The following MYT1L variants were observed in gnomAD, a reference collection of about 807,000 sequenced individuals.
MYT1L encodes myelin transcription factor 1 like, also known as myelin transcription factor 1-like protein.
In MYT1L, 12 loss-of-function variants were observed where a neutral mutation model predicts 126.7. That is an observed-to-expected ratio of 0.09 (90% confidence interval 0.06 to 0.15). The LOEUF is 0.15. Ranked by LOEUF, MYT1L falls within the 10% of genes least tolerant of loss-of-function variation. The pLI, the probability that MYT1L is intolerant of heterozygous loss-of-function variation, is 1.00. For missense variants in MYT1L, 979 were observed against 1,585.2 expected (o/e 0.62, Z 6.49); for synonymous variants, 541 against 604.2 (o/e 0.90, Z 1.53).
intron 14 of MYT1L, among the ~76,000 whole-genome samples, chr2:1,896,256 AG>A (rs2049550740): frequency 6.6e-6 from 1 of 152,244 alleles, no homozygotes; most frequent in South Asian, 2.1e-4. Context: ...AAATTAGTTC[AG>A]CTACTGGACA....
At chr2:2,223,382 A>G (rs2093929231) in intron 2 of MYT1L, among the ~76,000 whole-genome samples, 1 of 152,238 alleles carries the variant, frequency 6.6e-6, no homozygotes, top group South Asian at 2.1e-4. Context: ...AGAGTATTTG[A>G]AAAAGTAACT....
chr2:2,266,424 C>G (rs2095131245), intron 2 of MYT1L, among the ~76,000 whole-genome samples: 1 of 152,084 alleles, frequency 6.6e-6, no homozygotes, highest in South Asian at 2.1e-4. Flanking sequence ...TGCCTAAGTC[C>G]CAAAAGGGCT....
At chr2:2,165,570 A>G (rs1441568889) in intron 3 of MYT1L, among the ~76,000 whole-genome samples, 1 of 152,218 alleles carries the variant, frequency 6.6e-6, no homozygotes, top group African/African-American at 2.4e-5. Context: ...CATTTCCCCA[A>G]CTGTCCATAT....
intron 2 of MYT1L, among the ~76,000 whole-genome samples, chr2:2,254,034 G>A (rs1445709505): frequency 3.3e-5 from 5 of 152,226 alleles, no homozygotes; most frequent in Admixed American, 2.0e-4. Context: ...AACTAAAACC[G>A]AAGGCTCCCT....
At chr2:1,924,368 T>C (rs1041234411) in intron 9 of MYT1L, among the ~76,000 whole-genome samples, 1 of 152,234 alleles carries the variant, frequency 6.6e-6, no homozygotes, top group Non-Finnish European at 1.5e-5. Flanking sequence ...TTAGATTAGA[T>C]TTGGTTAACT....
Position 2,072,094 on chromosome 2 carries a change from G to A in MYT1L, c.-303-17971C>T, listed in dbSNP as rs187753078. Among the ~76,000 whole-genome samples, 237 of 152,260 alleles carry A rather than the reference G, an allele frequency of 1.6e-3. 1 individual carries two copies. The highest frequency in any genetic ancestry group is 5.3e-3 in the African/African-American group (221 of 41,550). ...ACTCCGTGTCAAGCTTCCCTTGAAAGAGGAGCCCAATGATTCAAATGACCC... is the reference window on the plus strand; with the variant it reads ...ACTCCGTGTCAAGCTTCCCTTGAAAAAGGAGCCCAATGATTCAAATGACCC... On this transcript the variant is annotated intron_variant, in intron 3 of 24. Coordinates refer to ENST00000647738, the MANE Select transcript of MYT1L (RefSeq NM_001303052.2).
intron 4 of MYT1L, among the ~76,000 whole-genome samples, chr2:2,006,695 C>A (rs891913493): frequency 2.0e-5 from 3 of 152,080 alleles, no homozygotes; most frequent in African/African-American, 7.2e-5. Flanking sequence ...CCCACCTCAG[C>A]CTCCAGAGTA....
At chr2:2,100,216 T>C (rs1486505139) in intron 3 of MYT1L, among the ~76,000 whole-genome samples, 1 of 152,102 alleles carries the variant, frequency 6.6e-6, no homozygotes, top group Non-Finnish European at 1.5e-5. Flanking sequence ...TGAGTATGGT[T>C]TGGTTGAGAA....
In MYT1L at chr2:2,293,465, C is replaced by A. The variant is rs139061895; in HGVS notation, c.-520-8962G>T. 2.8e-3 allele frequency among the ~76,000 whole-genome samples: 425 copies of A among 152,292 alleles called. 2 individuals are homozygous for A. Among genetic ancestry groups the A allele is most frequent in the African/African-American group, 4.9e-3 (202 of 41,554 alleles). ...TTGGTTAGAGGCAGATCTGCAGGAGCAGGGCGTGGAGGGTGATGGTGAGCA... is the reference window on the plus strand; with the variant it reads ...TTGGTTAGAGGCAGATCTGCAGGAGAAGGGCGTGGAGGGTGATGGTGAGCA... On this transcript the variant is annotated intron_variant, in intron 1 of 24. Coordinates refer to ENST00000647738, the MANE Select transcript of MYT1L (RefSeq NM_001303052.2).
intron 21 of MYT1L, among the ~76,000 whole-genome samples, chr2:1,837,674 C>A (rs1166351675): frequency 2.6e-5 from 4 of 152,026 alleles, no homozygotes; most frequent in Non-Finnish European, 5.9e-5. Flanking sequence ...CTCTGTGACA[C>A]CCTGGGCTTC....
intron 3 of MYT1L, among the ~76,000 whole-genome samples, chr2:2,165,777 G>A (rs1236511529): frequency 6.6e-6 from 1 of 151,580 alleles, no homozygotes; most frequent in Non-Finnish European, 1.5e-5. Context: ...CTTTATTATT[G>A]AAGAAGTAAA....
rs1272047871 is a variant in MYT1L at position 1,922,551 on chromosome 2, A to G, written c.1218T>C (p.His406=). 6.2e-7 allele frequency: 1 copy of G among 1,613,806 alleles called. No homozygotes were observed. Among genetic ancestry groups the G allele is most frequent in the African/African-American group, 1.3e-5 (1 of 74,900 alleles). The part of the protein sequence containing the change: ...FASCAKEDGC[H]ERDDDTTSVN... The stretch of plus-strand genomic sequence containing the variant: ...CAGAGGTGGTATCGTCGTCCCGCTC[A>G]TGACACCCATCCTCCTTCGCACAGC... Residue 406 remains histidine, a synonymous_variant, in exon 10 of 25, where the codon CAT becomes CAC. Coordinates refer to ENST00000647738, the MANE Select transcript of MYT1L (RefSeq NM_001303052.2). The surrounding 1 kb of genome is among the most constrained non-coding windows in gnomAD (Gnocchi z 7.4).
rs368515372 is a variant in MYT1L at position 2,060,724 on chromosome 2, C to T, written c.-303-6601G>A. On this transcript the variant is annotated intron_variant, in intron 3 of 24. Coordinates refer to ENST00000647738, the MANE Select transcript of MYT1L (RefSeq NM_001303052.2). ...CTTCTCTTCCCTTCCCTCCCCCCTC[C>T]CTTCCTTTTCCCTCCCTCCCATCTT... Among the ~76,000 whole-genome samples, 7 of 122,554 alleles carry T rather than the reference C, an allele frequency of 5.7e-5. No homozygotes were observed. In the East Asian group the frequency reaches 1.2e-3, roughly 21 times the overall value. The allele number at this position is 122,554 out of a possible 152,430, so 80.4% of individuals were successfully genotyped here. A position where few individuals can be genotyped will look rare whatever the true frequency, so the allele number is the denominator to read the frequency against.
chr2:1,941,297 C>T (rs1416308562), intron 9 of MYT1L, among the ~76,000 whole-genome samples: 1 of 152,190 alleles, frequency 6.6e-6, no homozygotes, highest in Non-Finnish European at 1.5e-5. Context: ...AACATGAATG[C>T]CTCCTGCTTT....
At chr2:2,018,430 T>C (rs1436855080) in intron 4 of MYT1L, among the ~76,000 whole-genome samples, 1 of 152,128 alleles carries the variant, frequency 6.6e-6, no homozygotes, top group East Asian at 1.9e-4. Context: ...TGGAAGGACC[T>C]GCATTGGTCA....
rs2048499041 is a variant in MYT1L at position 1,889,053 on chromosome 2, T to G, written c.2520+188A>C. Among the ~76,000 whole-genome samples, 1 of 152,242 alleles carries G rather than the reference T, an allele frequency of 6.6e-6. No homozygotes were observed. The highest frequency in any genetic ancestry group is 2.4e-5 in the African/African-American group (1 of 41,466). On this transcript the variant is annotated intron_variant, in intron 16 of 24. Coordinates refer to ENST00000647738, the MANE Select transcript of MYT1L (RefSeq NM_001303052.2). This position sits in a 1 kb window ranked among gnomAD's most constrained non-coding sequence, Gnocchi z 4.1. The stretch of plus-strand genomic sequence containing the variant: ...TACAAGAGTCAATACTTTGTTTCAC[T>G]CTAATCAATGTTAGTCGCAAATCTC...
At chr2:2,311,826 T>A (rs930623784) in intron 1 of MYT1L, among the ~76,000 whole-genome samples, 2 of 152,212 alleles carry the variant, frequency 1.3e-5, no homozygotes, top group African/African-American at 4.8e-5. Flanking sequence ...ACTTCAGCTG[T>A]CTGGAACATA....
intron 3 of MYT1L, among the ~76,000 whole-genome samples, chr2:2,156,557 T>C (rs1194115716): frequency 6.6e-6 from 1 of 152,254 alleles, no homozygotes; most frequent in Non-Finnish European, 1.5e-5. Context: ...AAAAATTTAA[T>C]GTAGATTAGA....
At chr2:2,284,046 C>T (rs969561321) in intron 2 of MYT1L, among the ~76,000 whole-genome samples, 2 of 152,126 alleles carry the variant, frequency 1.3e-5, no homozygotes, top group Non-Finnish European at 2.9e-5. Flanking sequence ...TCAGAAAACA[C>T]CACGTAAGTA....
Sources: allele counts gnomAD v4.1 joint callset (sites outside exome capture counted in the v4.1 genomes callset), GRCh38; gene constraint gnomAD v4.1.1; non-coding constraint Gnocchi (gnomAD v3.1); transcripts MANE v1.5; gene names NCBI Gene and HGNC (gene_info 2026-07-23, HGNC 2026-07-21).